The following SH3GLB2 variants were observed in gnomAD, a reference collection of about 807,000 sequenced individuals.
SH3GLB2 encodes the protein SH3 domain containing GRB2 like, endophilin B2, also known as endophilin-B2.
A neutral mutation model predicts 48.0 loss-of-function variants in SH3GLB2; 24 were observed. The observed-to-expected ratio is 0.50, with a 90% CI of 0.36 to 0.70. The LOEUF (loss-of-function observed/expected upper bound fraction) is 0.70, where lower values mean the gene tolerates loss of function less well. SH3GLB2 is among the 30% of genes least tolerant of loss of function. The pLI is 0.00. For missense variants in SH3GLB2, 425 were observed against 516.0 expected, an observed-to-expected ratio of 0.82 and a Z score of 1.71; for synonymous variants, 227 against 207.6, an observed-to-expected ratio of 1.09 and a Z score of -0.80.
At chr9:129,025,263 C>CA (rs530346854) in intron 1 of SH3GLB2, among the ~76,000 whole-genome samples, 565 of 32,838 alleles carry the variant, frequency 0.017, no homozygotes, top group Non-Finnish European at 0.022. Flanking sequence ...GACTCCGTCT[C>CA]AAAAAAAAAA....
intron 5 of SH3GLB2, chr9:129,012,831 AG>A (rs1843202895): frequency 1.5e-6 from 1 of 677,594 alleles, no homozygotes. Context: ...GCTGACTCAC[AG>A]GCCCCAACGC....
chr9:129,009,985 C>T, intron 8 of SH3GLB2, 114 bp from the exon 9 acceptor site: 1 of 1,367,144 alleles, frequency 7.3e-7, no homozygotes, highest in Non-Finnish European at 1.0e-6. Flanking sequence ...GGTGCCCTGC[C>T]CCTGCGCCCA....
intron 5 of SH3GLB2, chr9:129,013,314 G>A: frequency 2.0e-6 from 1 of 489,050 alleles, no homozygotes; most frequent in South Asian, 2.6e-5. Flanking sequence ...GGCCCACCAG[G>A]TGAGGGAGAG....
intron 5 of SH3GLB2, chr9:129,013,113 G>C: frequency 6.9e-7 from 1 of 1,444,268 alleles, no homozygotes; most frequent in Non-Finnish European, 9.5e-7. Context: ...CCAGGCCCCA[G>C]TGGGAGGGGA....
At chr9:129,012,049 C>T (rs1330411165) in intron 6 of SH3GLB2, 187 bp downstream of exon 6, 6 of 405,938 alleles carry the variant, frequency 1.5e-5, no homozygotes, top group East Asian at 7.1e-5. Flanking sequence ...CACAGGGCAC[C>T]GGGGCCAGGC....
At chr9:129,016,341 TTAAAAAAAAAAAAAAAA>T (rs1843419174) in intron 3 of SH3GLB2, among the ~76,000 whole-genome samples, 4 of 111,124 alleles carry the variant, frequency 3.6e-5, no homozygotes, top group African/African-American at 1.5e-4. Context: ...AAGACTGTCT[TTAAAAAAAAAAAAAAAA>T]AAAAAAAAAA....
Position 129,014,073 on chromosome 9 carries a change from C to T in SH3GLB2, c.561+338G>A. The T allele has an allele frequency of 1.8e-6, 1 of 551,894 alleles. No homozygotes were observed. The allele number at this position is 551,894 out of a possible 1,614,324, so 34.2% of individuals were successfully genotyped here. A position where few individuals can be genotyped will look rare whatever the true frequency, so the allele number is the denominator to read the frequency against. ...AAGTAGTAGAGTTAGTAAGAAGGTG[C>T]CATGCCCGGGCAGAGCCGGGGACAG... is the stretch of plus-strand genomic sequence containing the variant. On this transcript the variant is annotated intron_variant, in intron 5 of 10. Transcript: ENST00000372564. This position sits in a 1 kb window ranked among gnomAD's most constrained non-coding sequence, Gnocchi z 4.1.
chr9:129,010,841 C>T lies in SH3GLB2; in HGVS notation c.625-148G>A, dbSNP rs557632065. ...CTCCCAAACAGGAGCTGAGACTGGGCCGAGGCCCGGCATGGGAGCTGGGGG... is the reference window on the plus strand; with the variant it reads ...CTCCCAAACAGGAGCTGAGACTGGGTCGAGGCCCGGCATGGGAGCTGGGGG... On this transcript the variant is annotated intron_variant, in intron 6 of 10. Transcript: ENST00000372564. The T allele has an allele frequency of 3.7e-5, 36 of 974,082 alleles. No homozygotes were observed. The Admixed American group carries it at 6.1e-4, about 16-fold the overall frequency. The allele number at this position is 974,082 out of a possible 1,614,324, so 60.3% of individuals were successfully genotyped here.
chr9:129,013,351 G>C, intron 5 of SH3GLB2: 1 of 391,552 alleles, frequency 2.6e-6, no homozygotes, highest in South Asian at 3.7e-5. Context: ...GACAGGAAAG[G>C]CTCCTCTGGC....
rs762739148 is a variant in SH3GLB2 at position 129,014,842 on chromosome 9, T to TA, written c.396dup (p.Ile133TyrfsTer59). 6.2e-7 allele frequency: 1 copy of TA among 1,613,874 alleles called. No individual in the cohort carries two copies. Among genetic ancestry groups the TA allele is most frequent in the Non-Finnish European group, 8.5e-7 (1 of 1,179,986 alleles). On this transcript the variant is annotated frameshift_variant, in exon 4 of 11. Transcript: ENST00000372564. LOFTEE classifies it high-confidence loss of function. The surrounding 1 kb of genome is among the most constrained non-coding windows in gnomAD (Gnocchi z 4.1). ...AGGAAGCTGATGGAGGCCGTGTGGATAAAATCCCTCTCCGCGGCTCCCAGT... is the reference window on the plus strand; with the variant it reads ...AGGAAGCTGATGGAGGCCGTGTGGATAAAAATCCCTCTCCGCGGCTCCCAGT...
At chr9:129,018,558 CAGAG>C (rs1234469394) in intron 3 of SH3GLB2, among the ~76,000 whole-genome samples, 2 of 145,814 alleles carry the variant, frequency 1.4e-5, no homozygotes, top group South Asian at 2.2e-4. Flanking sequence ...GCCTAGGTGA[CAGAG>C]AGAGACTCCG....
rs1156773476 is a variant in SH3GLB2, at chr9:129,014,088, G to A, written c.561+323C>T. ...TAAGAAGGTGCCATGCCCGGGCAGA[G>A]CCGGGGACAGAGCCGAGCATCTAGG... On this transcript the variant is annotated intron_variant, in intron 5 of 10. Transcript: ENST00000372564. This position sits in a 1 kb window ranked among gnomAD's most constrained non-coding sequence, Gnocchi z 4.1. 5.1e-6 allele frequency: 3 copies of A among 583,258 alleles called. No individual in the cohort carries two copies. The highest frequency in any genetic ancestry group is 4.3e-5 in the Admixed American group (2 of 46,154). 36.1% of individuals were successfully genotyped at this position (583,258 alleles called of 1,614,324 possible). A position where few individuals can be genotyped will look rare whatever the true frequency, so the allele number is the denominator to read the frequency against.
At chr9:129,012,004 C>T (rs896404298) in intron 6 of SH3GLB2, 6 of 392,950 alleles carry the variant, frequency 1.5e-5, no homozygotes, top group Non-Finnish European at 2.2e-5. Flanking sequence ...CCAGCTCCAG[C>T]GTTTTGCAGA....
chr9:129,018,665 G>A (rs879606927), intron 3 of SH3GLB2, among the ~76,000 whole-genome samples: 10 of 151,194 alleles, frequency 6.6e-5, no homozygotes, highest in Non-Finnish European at 1.0e-4. Flanking sequence ...AGGCCGAGGC[G>A]GGTGGATCAC....
chr9:129,014,588 C>T lies in SH3GLB2; in HGVS notation c.469-85G>A, dbSNP rs1007372806. The T allele has an allele frequency of 1.0e-5, 15 of 1,496,424 alleles. No homozygotes were observed. The highest frequency in any genetic ancestry group is 1.7e-4 in the Middle Eastern group (1 of 5,876). 92.7% of individuals were successfully genotyped at this position (1,496,424 alleles called of 1,614,324 possible). A position where few individuals can be genotyped will look rare whatever the true frequency, so the allele number is the denominator to read the frequency against. ...TGCATGGCAAGATTGGTGCCGGGGA[C>T]GATCAAGTCAAGATAGGGAAACTGA... is the stretch of plus-strand genomic sequence containing the variant. On this transcript the variant is annotated intron_variant, in intron 4 of 10. Transcript: ENST00000372564. The surrounding 1 kb of genome is among the most constrained non-coding windows in gnomAD (Gnocchi z 4.1).
intron 3 of SH3GLB2, chr9:129,015,596 G>A (rs1464533455): frequency 1.3e-5 from 2 of 153,362 alleles, no homozygotes; most frequent in African/African-American, 4.8e-5. Flanking sequence ...AAAATCATAA[G>A]AAAAATGAGC....
intron 8 of SH3GLB2, 45 bp downstream of exon 8, chr9:129,010,075 G>A: frequency 6.4e-7 from 1 of 1,572,462 alleles, no homozygotes; most frequent in Non-Finnish European, 8.8e-7. Flanking sequence ...CACACCTGGT[G>A]CCTGCTGAGG....
chr9:129,010,823 A>C, intron 6 of SH3GLB2, 130 bp from the exon 7 acceptor site: 7 of 1,149,588 alleles, frequency 6.1e-6, no homozygotes, highest in Non-Finnish European at 8.7e-6. Flanking sequence ...CCCCTCCCAA[A>C]CAGGAGCTGA....
intron 3 of SH3GLB2, among the ~76,000 whole-genome samples, chr9:129,017,998 T>C (rs1024439046): frequency 6.9e-6 from 1 of 145,812 alleles, no homozygotes; most frequent in African/African-American, 2.6e-5. Flanking sequence ...GAGGCTGAGG[T>C]GGAGGATCCC....
Sources: allele counts gnomAD v4.1 joint callset (sites outside exome capture counted in the v4.1 genomes callset), GRCh38; gene constraint gnomAD v4.1.1; non-coding constraint Gnocchi (gnomAD v3.1); transcripts MANE v1.5; gene names NCBI Gene and HGNC (gene_info 2026-07-23, HGNC 2026-07-21).